The following NAV1 variants were observed in gnomAD, a reference collection of about 807,000 sequenced individuals.
NAV1 encodes the protein neuron navigator 1.
A neutral mutation model predicts 175.2 loss-of-function variants in NAV1; 18 were observed. The observed-to-expected ratio is 0.10, with a 90% CI of 0.07 to 0.15. The LOEUF is 0.15. Ranked by LOEUF, NAV1 falls within the 10% of genes least tolerant of loss-of-function variation. The pLI is 1.00. For missense variants in NAV1, 1,731 were observed against 2,436.6 expected, an observed-to-expected ratio of 0.71 and a Z score of 6.10; for synonymous variants, 897 against 978.7, an observed-to-expected ratio of 0.92 and a Z score of 1.56.
At chr1:201,684,638 C>T (rs1670604774) in intron 1 of NAV1, among the ~76,000 whole-genome samples, 1 of 151,760 alleles carries the variant, frequency 6.6e-6, no homozygotes, top group African/African-American at 2.4e-5. Context: ...CCACGCCTGG[C>T]TAATTTTTGT....
At chr1:201,729,861 G>A (rs1016674271) in intron 3 of NAV1, among the ~76,000 whole-genome samples, 5 of 152,084 alleles carry the variant, frequency 3.3e-5, no homozygotes, top group African/African-American at 7.2e-5. Context: ...AGCCAAGATC[G>A]TGCCACTGCG....
chr1:201,636,364 G>A (rs916351702), intron 2 of NAV1, among the ~76,000 whole-genome samples: 1 of 152,206 alleles, frequency 6.6e-6, no homozygotes, highest in Non-Finnish European at 1.5e-5. Flanking sequence ...CTATAAGGCT[G>A]CGGGCAGGCT....
intron 1 of NAV1, among the ~76,000 whole-genome samples, chr1:201,572,770 G>A (rs1666584433): frequency 6.6e-6 from 1 of 152,204 alleles, no homozygotes; most frequent in Non-Finnish European, 1.5e-5. Flanking sequence ...AAAGGAGGCA[G>A]CTAAGTGGCC....
intron 2 of NAV1, among the ~76,000 whole-genome samples, chr1:201,604,748 G>GAA: frequency 6.9e-6 from 1 of 145,532 alleles, no homozygotes; most frequent in African/African-American, 2.7e-5. Context: ...GAAAGAAAGA[G>GAA]AGAGAGAGAG....
upstream of NAV1, among the ~76,000 whole-genome samples, chr1:201,644,569 A>G (rs1171044635): frequency 6.6e-6 from 1 of 152,256 alleles, no homozygotes; most frequent in Non-Finnish European, 1.5e-5. Flanking sequence ...TTAAAGAATG[A>G]CAGTGCACAG....
chr1:201,605,106 G>A (rs996821764), intron 2 of NAV1, among the ~76,000 whole-genome samples: 1 of 151,670 alleles, frequency 6.6e-6, no homozygotes, highest in African/African-American at 2.4e-5. Flanking sequence ...GCACCAGGGA[G>A]GTTGCTTGTT....
chr1:201,588,500 A>G lies in NAV1; in HGVS notation c.-143-39A>G, dbSNP rs551316127. Among the ~76,000 whole-genome samples, 247 of 149,606 alleles carry G rather than the reference A, an allele frequency of 1.7e-3. 8 individuals are homozygous for G. Among genetic ancestry groups the G allele is most frequent in the Non-Finnish European group, 1.5e-3 (103 of 67,674 alleles). On this transcript the variant is annotated intron_variant, in intron 1 of 33. Coordinates refer to the NAV1 transcript ENST00000685211. ...GTAGCTAGGACTACAGGTAGGTGCC[A>G]CCACACCCAGCTGATTAATTTTTTT...
intron 3 of NAV1, among the ~76,000 whole-genome samples, chr1:201,765,109 T>C (rs1317244948): frequency 6.6e-6 from 1 of 152,218 alleles, no homozygotes; most frequent in African/African-American, 2.4e-5. Flanking sequence ...TTTTCCATTA[T>C]ATTAAGAATC....
intron 1 of NAV1, among the ~76,000 whole-genome samples, chr1:201,679,452 T>C (rs1670382763): frequency 1.3e-5 from 2 of 152,270 alleles, no homozygotes; most frequent in East Asian, 1.9e-4. Context: ...GTGGTTTCTA[T>C]AGACCTCCTC....
At chr1:201,717,693 G>C (rs1283445073) in intron 2 of NAV1, among the ~76,000 whole-genome samples, 1 of 152,194 alleles carries the variant, frequency 6.6e-6, no homozygotes, top group Non-Finnish European at 1.5e-5. Flanking sequence ...ATTCTCTGGG[G>C]AGGCTTATTT....
At chr1:201,794,318 A>T (rs1677299032) in intron 14 of NAV1, 148 bp from the exon 19 acceptor site, 1 of 716,600 alleles carries the variant, frequency 1.4e-6, no homozygotes, top group African/African-American at 1.8e-5. Context: ...CGCCCAGCTA[A>T]TTTTTGTATT....
chr1:201,577,796 T>C (rs1416539994), intron 1 of NAV1, among the ~76,000 whole-genome samples: 6 of 152,224 alleles, frequency 3.9e-5, no homozygotes, highest in Non-Finnish European at 2.9e-5. Context: ...CTTTTTATTT[T>C]CCCCCCAGCA....
chr1:201,789,932 G>C (rs1319413886), intron 11 of NAV1, 140 bp downstream of exon 15: 2 of 791,800 alleles, frequency 2.5e-6, no homozygotes, highest in Non-Finnish European at 4.3e-6. Context: ...GGGTGGGAAT[G>C]GGGGAGGCAC....
At chr1:201,806,239 C>T (rs1678271014) in intron 17 of NAV1, among the ~76,000 whole-genome samples, 2 of 152,100 alleles carry the variant, frequency 1.3e-5, no homozygotes, top group Admixed American at 1.3e-4. Context: ...CCCACCTCCG[C>T]CTCCAAAAGT....
intron 3 of NAV1, among the ~76,000 whole-genome samples, chr1:201,743,042 A>C (rs1404185820): frequency 6.6e-6 from 1 of 152,164 alleles, no homozygotes; most frequent in East Asian, 1.9e-4. Context: ...TTTTCATTTA[A>C]TCTTCACAAC....
At chr1:201,636,520 G>A (rs1008952450) in intron 2 of NAV1, among the ~76,000 whole-genome samples, 6 of 152,210 alleles carry the variant, frequency 3.9e-5, no homozygotes, top group African/African-American at 1.4e-4. Flanking sequence ...GCCTTCCTGG[G>A]TGGTGGGAGT....
chr1:201,553,092 C>T (rs1665910670), intron 1 of NAV1, among the ~76,000 whole-genome samples: 1 of 152,226 alleles, frequency 6.6e-6, no homozygotes, highest in Non-Finnish European at 1.5e-5. Context: ...ACCCGCTTGG[C>T]TCTGGAAGGA....
chr1:201,602,659 T>TTTG (rs1414143179), intron 2 of NAV1, among the ~76,000 whole-genome samples: 18 of 123,598 alleles, frequency 1.5e-4, no homozygotes, highest in East Asian at 3.4e-4. Context: ...TGGTTTTTTT[T>TTTG]TTTTTTGGTT....
At chr1:201,608,832 C>T (rs182168069) in intron 2 of NAV1, among the ~76,000 whole-genome samples, 15 of 152,290 alleles carry the variant, frequency 9.8e-5, no homozygotes, top group African/African-American at 1.7e-4. Flanking sequence ...GTGCTGCTGC[C>T]GAGATCAGGG....
Sources: allele counts gnomAD v4.1 joint callset (sites outside exome capture counted in the v4.1 genomes callset), GRCh38; gene constraint gnomAD v4.1.1; transcripts MANE v1.5; gene names NCBI Gene and HGNC (gene_info 2026-07-23, HGNC 2026-07-21).